ABTB3: variants seen among roughly 807,000 people sequenced by gnomAD.
ABTB3 encodes ankyrin repeat and BTB domain containing 3.
chr12:107,488,190 C>A, the ABTB3 span, among the ~76,000 whole-genome samples: 1 of 152,084 alleles, frequency 6.6e-6, no homozygotes, highest in Non-Finnish European at 1.5e-5. Context: ...CAGTTTTCAA[C>A]CATCCACTTT....
the ABTB3 span, among the ~76,000 whole-genome samples, chr12:107,583,893 T>C: frequency 6.6e-6 from 1 of 152,224 alleles, no homozygotes; most frequent in Non-Finnish European, 1.5e-5. Flanking sequence ...ATTTGTCTCC[T>C]GAATGATGAT....
the ABTB3 span, among the ~76,000 whole-genome samples, chr12:107,437,206 C>G: frequency 6.6e-6 from 1 of 152,106 alleles, no homozygotes; most frequent in Non-Finnish European, 1.5e-5. Flanking sequence ...CCAACATACA[C>G]AGTTCCAGAG....
At chr12:107,548,968 G>A in the ABTB3 span, among the ~76,000 whole-genome samples, 2 of 152,206 alleles carry the variant, frequency 1.3e-5, no homozygotes, top group African/African-American at 4.8e-5. Flanking sequence ...GTAACTGTGA[G>A]CAGCTTCACT....
chr12:107,397,306 A>G, the ABTB3 span, among the ~76,000 whole-genome samples: 2 of 152,212 alleles, frequency 1.3e-5, no homozygotes, highest in East Asian at 1.9e-4. Context: ...GTTTTTGCCA[A>G]ACAGATTGGG....
At chr12:107,601,796 TA>T in the ABTB3 span, among the ~76,000 whole-genome samples, 20 of 152,386 alleles carry the variant, frequency 1.3e-4, no homozygotes, top group African/African-American at 4.8e-4. Context: ...TTCGTATTTG[TA>T]AAAAGCTTAC....
At chr12:107,331,249 C>A in the ABTB3 span, among the ~76,000 whole-genome samples, 5 of 152,330 alleles carry the variant, frequency 3.3e-5, no homozygotes, top group African/African-American at 1.2e-4. Context: ...CTTCTCTATA[C>A]TGACTTTGAG....
At chr12:107,446,485 C>T in the ABTB3 span, among the ~76,000 whole-genome samples, 1 of 152,120 alleles carries the variant, frequency 6.6e-6, no homozygotes, top group Non-Finnish European at 1.5e-5. Flanking sequence ...GTGTGCCCTG[C>T]AGTGTTGGGA....
chr12:107,520,128 G>C, the ABTB3 span: 5 of 707,116 alleles, frequency 7.1e-6, no homozygotes, highest in African/African-American at 3.9e-5. Flanking sequence ...TGCCTTTGTG[G>C]GGAGAACAAA....
At chr12:107,445,719 C>T in the ABTB3 span, among the ~76,000 whole-genome samples, 1 of 152,148 alleles carries the variant, frequency 6.6e-6, no homozygotes, top group African/African-American at 2.4e-5. Flanking sequence ...ATCGAGGTGT[C>T]AGTAGAAAGT....
At chr12:107,598,015 T>C in the ABTB3 span, among the ~76,000 whole-genome samples, 1 of 152,250 alleles carries the variant, frequency 6.6e-6, no homozygotes, top group Non-Finnish European at 1.5e-5. Flanking sequence ...ATGTTGCCTT[T>C]TAAGGAGTCT....
the ABTB3 span, among the ~76,000 whole-genome samples, chr12:107,336,795 G>A: frequency 6.6e-6 from 1 of 152,200 alleles, no homozygotes; most frequent in East Asian, 1.9e-4. Flanking sequence ...ATATTTGTCT[G>A]TTTTATTCAT....
the ABTB3 span, among the ~76,000 whole-genome samples, chr12:107,654,381 C>A: frequency 1.3e-5 from 2 of 152,144 alleles, no homozygotes; most frequent in African/African-American, 4.8e-5. Flanking sequence ...TCACTGTAAC[C>A]TTTGCCTCCC....
chr12:107,489,342 G>C, the ABTB3 span, among the ~76,000 whole-genome samples: 1 of 152,084 alleles, frequency 6.6e-6, no homozygotes, highest in African/African-American at 2.4e-5. Context: ...CCAACATCGT[G>C]AAACCCCATC....
the ABTB3 span, among the ~76,000 whole-genome samples, chr12:107,642,989 C>T: frequency 6.6e-6 from 1 of 152,200 alleles, no homozygotes; most frequent in African/African-American, 2.4e-5. Context: ...AACTCCCCAG[C>T]CGGCTTTGCA....
the ABTB3 span, among the ~76,000 whole-genome samples, chr12:107,426,550 C>G: frequency 6.6e-6 from 1 of 152,184 alleles, no homozygotes; most frequent in Non-Finnish European, 1.5e-5. Context: ...CAGCAACATC[C>G]AGATGTCCTC....
the ABTB3 span, among the ~76,000 whole-genome samples, chr12:107,395,267 G>A: frequency 6.6e-6 from 1 of 152,146 alleles, no homozygotes; most frequent in Non-Finnish European, 1.5e-5. Flanking sequence ...AAGGGTCTAG[G>A]CTAGGCACTT....
the ABTB3 span, among the ~76,000 whole-genome samples, chr12:107,446,174 T>C: frequency 6.6e-6 from 1 of 152,010 alleles, no homozygotes; most frequent in South Asian, 2.1e-4. Flanking sequence ...GAAGGTATAG[T>C]AAACACGGCG....
At chr12:107,484,877 C>G in the ABTB3 span, among the ~76,000 whole-genome samples, 3 of 151,998 alleles carry the variant, frequency 2.0e-5, no homozygotes, top group Non-Finnish European at 4.4e-5. Context: ...TGGCCTGAGC[C>G]CTGGAAGGAA....
chr12:107,383,379 T>TC, the ABTB3 span, among the ~76,000 whole-genome samples: 1 of 152,156 alleles, frequency 6.6e-6, no homozygotes, highest in African/African-American at 2.4e-5. Flanking sequence ...AGCCAGAAGG[T>TC]CCCAGAGACA....
Sources: allele counts gnomAD v4.1 joint callset (sites outside exome capture counted in the v4.1 genomes callset), GRCh38; gene constraint gnomAD v4.1.1; transcripts MANE v1.5; gene names NCBI Gene and HGNC (gene_info 2026-07-23, HGNC 2026-07-21).